CACNA2D3: variants seen among roughly 807,000 people sequenced by gnomAD.
The protein encoded by CACNA2D3 is voltage-dependent calcium channel subunit alpha-2/delta-3.
CACNA2D3 carries 60 observed loss-of-function variants against 160.6 expected under a neutral mutation model. The observed-to-expected ratio is 0.37, with a 90% CI of 0.30 to 0.46. The LOEUF is 0.46. Among genes scored for constraint, CACNA2D3 ranks in the 20% least tolerant of loss-of-function variants. CACNA2D3 has a pLI of 1.00. For synonymous variants in CACNA2D3, 558 were observed against 492.9 expected, an observed-to-expected ratio of 1.13 and a Z score of -1.75; for missense variants, 1,205 against 1,365.0, an observed-to-expected ratio of 0.88 and a Z score of 1.85.
intron 2 of CACNA2D3, among the ~76,000 whole-genome samples, chr3:54,289,889 C>G (rs1469580680): frequency 2.0e-5 from 3 of 152,140 alleles, no homozygotes; most frequent in African/African-American, 7.2e-5. Flanking sequence ...CTTCCTTACA[C>G]CTTATACAAA....
chr3:54,717,690 G>C (rs1009918638), intron 11 of CACNA2D3, among the ~76,000 whole-genome samples: 1 of 144,226 alleles, frequency 6.9e-6, no homozygotes, highest in African/African-American at 2.6e-5. Flanking sequence ...TGGTGTGTGC[G>C]TGCGTGTGTG....
intron 2 of CACNA2D3, among the ~76,000 whole-genome samples, chr3:54,306,408 T>C (rs1703602801): frequency 6.6e-6 from 1 of 152,152 alleles, no homozygotes; most frequent in Non-Finnish European, 1.5e-5. Context: ...GTCCTTATCT[T>C]GAGAATAATG....
At chr3:54,474,799 A>G (rs758604745) in intron 4 of CACNA2D3, among the ~76,000 whole-genome samples, 62 of 152,264 alleles carry the variant, frequency 4.1e-4, no homozygotes, top group Non-Finnish European at 7.8e-4. Flanking sequence ...TCATTTTTCA[A>G]GTGAAGTTGA....
chr3:54,400,775 G>A (rs1699445682), intron 4 of CACNA2D3, among the ~76,000 whole-genome samples: 1 of 152,182 alleles, frequency 6.6e-6, no homozygotes, highest in African/African-American at 2.4e-5. Context: ...AGTCTGTAAA[G>A]TTTGGAAGAG....
chr3:54,925,304 G>T, intron 27 of CACNA2D3: 1 of 1,098,494 alleles, frequency 9.1e-7, no homozygotes, highest in Non-Finnish European at 1.3e-6. Context: ...CAGGTAATGT[G>T]CTTTCCAGCC....
In CACNA2D3 at chr3:54,503,648, A is replaced by G. The variant is rs1261011725; in HGVS notation, c.538A>G (p.Asn180Asp). The G allele has an allele frequency of 6.2e-7, 1 of 1,613,704 alleles. No homozygotes were observed. The highest frequency in any genetic ancestry group is 1.3e-5 in the African/African-American group (1 of 75,058). The change falls in exon 5 of 38, where the codon AAC becomes GAC. Residue 180 changes from asparagine (N) to aspartate (D), a missense_variant. This residue lies in a region of CACNA2D3 where 131 missense variants were observed against 201.5 expected (regional missense o/e 0.65). Transcript: ENST00000474759. ...SDVQVPTNMY[N>D]KDPAIVNGVY... ...CGTCCAAGTACCAACGAACATGTAC[A>G]ACAAAGGTAAGACTCCCAGCCACTG...
chr3:54,857,498 G>A (rs1575514291), intron 17 of CACNA2D3, among the ~76,000 whole-genome samples: 1 of 152,136 alleles, frequency 6.6e-6, no homozygotes, highest in Admixed American at 6.5e-5. Flanking sequence ...TGTCTCTGAG[G>A]GTTGTGTTTT....
At chr3:55,060,877 G>A (rs1326815501) in intron 35 of CACNA2D3, among the ~76,000 whole-genome samples, 1 of 152,176 alleles carries the variant, frequency 6.6e-6, no homozygotes, top group Non-Finnish European at 1.5e-5. Flanking sequence ...AAAGAAAACT[G>A]GGCCCCTCTT....
intron 11 of CACNA2D3, among the ~76,000 whole-genome samples, chr3:54,672,496 G>C (rs1283304694): frequency 1.3e-5 from 2 of 152,316 alleles, no homozygotes; most frequent in Admixed American, 6.5e-5. Flanking sequence ...TCTGAAGTGT[G>C]CTGATGAGGA....
At chr3:54,669,363 T>G (rs1299518770) in intron 11 of CACNA2D3, among the ~76,000 whole-genome samples, 1 of 152,214 alleles carries the variant, frequency 6.6e-6, no homozygotes, top group Non-Finnish European at 1.5e-5. Flanking sequence ...GATGATCTCT[T>G]TTCATGAGGG....
chr3:54,424,410 G>A (rs980340768), intron 4 of CACNA2D3, among the ~76,000 whole-genome samples: 4 of 152,172 alleles, frequency 2.6e-5, no homozygotes, highest in South Asian at 2.1e-4. Context: ...TTTCAAAGGA[G>A]GCCACAGAAT....
intron 3 of CACNA2D3, among the ~76,000 whole-genome samples, chr3:54,382,974 G>T (rs1001103358): frequency 6.6e-6 from 1 of 151,980 alleles, no homozygotes. Context: ...GAGTTTCACC[G>T]CTAGCTGGGA....
chr3:54,855,905 C>T (rs1029328747), intron 17 of CACNA2D3, among the ~76,000 whole-genome samples: 1 of 152,192 alleles, frequency 6.6e-6, no homozygotes, highest in African/African-American at 2.4e-5. Context: ...GACACCACCT[C>T]CTGCTGCCCT....
intron 13 of CACNA2D3, among the ~76,000 whole-genome samples, chr3:54,809,900 A>C (rs948663529): frequency 1.3e-5 from 2 of 152,194 alleles, no homozygotes; most frequent in African/African-American, 4.8e-5. Context: ...GTCCCTCGGT[A>C]GATCTTATAT....
chr3:55,010,503 C>T (rs144788439), intron 34 of CACNA2D3, among the ~76,000 whole-genome samples: 125 of 152,286 alleles, frequency 8.2e-4, no homozygotes, highest in African/African-American at 3.0e-3. Flanking sequence ...CCTTAATGAA[C>T]GCTGGCTCCA....
intron 2 of CACNA2D3, among the ~76,000 whole-genome samples, chr3:54,262,906 A>G (rs1319279092): frequency 6.6e-6 from 1 of 152,202 alleles, no homozygotes; most frequent in Non-Finnish European, 1.5e-5. Context: ...AATTTTTACT[A>G]ATTATTTAAG....
At chr3:55,038,907 T>TATAC (rs1553636480) in intron 35 of CACNA2D3, among the ~76,000 whole-genome samples, 120 of 112,978 alleles carry the variant, frequency 1.1e-3, no homozygotes, top group African/African-American at 3.2e-3. Flanking sequence ...TATATATATA[T>TATAC]ACACACACTG....
chr3:54,879,086 A>G lies in CACNA2D3; in HGVS notation c.1779A>G (p.Lys593=). The G allele has an allele frequency of 1.3e-6, 2 of 1,588,358 alleles. No homozygotes were observed. Among genetic ancestry groups the G allele is most frequent in the African/African-American group, 2.7e-5 (2 of 73,926 alleles). The stretch of plus-strand genomic sequence containing the variant: ...TGGAGGTGAAGAAGACAGTGGACAA[A>G]GGGGTACATTTTTCTCAAACATTTT... ...FSMEVKKTVD[K]GKRVLVMTND... The change falls in exon 19 of 38, where the codon AAA becomes AAG. Residue 593 remains lysine (K), a synonymous_variant. Transcript: ENST00000474759.
intron 2 of CACNA2D3, among the ~76,000 whole-genome samples, chr3:54,264,474 G>A (rs1702465574): frequency 6.6e-6 from 1 of 152,180 alleles, no homozygotes; most frequent in Admixed American, 6.5e-5. Context: ...AAGGGAGCAT[G>A]CTCATCTTTT....
Sources: gnomAD v4.1 joint callset for allele counts (sites outside exome capture counted in the v4.1 genomes callset) on GRCh38, gnomAD v4.1.1 for gene constraint, gnomAD v4.1.1 regional missense constraint, MANE v1.5 for transcripts, NCBI Gene and HGNC (gene_info 2026-07-23, HGNC 2026-07-21) for gene names.